Variants in DOCK4 observed in about 807,000 individuals in gnomAD.
DOCK4 encodes dedicator of cytokinesis 4.
In DOCK4, 97 loss-of-function variants were observed where a neutral mutation model predicts 268.1. That is an observed-to-expected ratio of 0.36 (90% CI 0.31 to 0.43). The LOEUF (loss-of-function observed/expected upper bound fraction) is 0.43, where lower values mean the gene tolerates loss of function less well. DOCK4 is among the 20% of genes least tolerant of loss of function. DOCK4 has a pLI of 1.00. For missense variants in DOCK4, 2,145 were observed against 2,455.7 expected (o/e 0.87, Z 2.67); for synonymous variants, 954 against 887.2 (o/e 1.08, Z -1.34).
chr7:111,848,078 A>G (rs963361943), intron 23 of DOCK4, among the ~76,000 whole-genome samples: 1 of 152,154 alleles, frequency 6.6e-6, no homozygotes, highest in Non-Finnish European at 1.5e-5. Flanking sequence ...TGTGTTCTTC[A>G]GATCTGGGAA....
chr7:111,739,500 TATC>T (rs1162502018), intron 47 of DOCK4, 23 bp from the exon 48 acceptor site: 22 of 1,548,732 alleles, frequency 1.4e-5, no homozygotes, highest in Non-Finnish European at 1.7e-5. Flanking sequence ...AGGGAGCTAT[TATC>T]ATACCCTGAT....
At chr7:111,779,862 G>A (rs1798685148) in intron 35 of DOCK4, among the ~76,000 whole-genome samples, 1 of 152,246 alleles carries the variant, frequency 6.6e-6, no homozygotes, top group African/African-American at 2.4e-5. Context: ...AACAAGACAT[G>A]TTTAGTGAAC....
chr7:112,118,469 C>T (rs981055251), intron 1 of DOCK4, among the ~76,000 whole-genome samples: 2 of 152,010 alleles, frequency 1.3e-5, no homozygotes, highest in Admixed American at 1.3e-4. Flanking sequence ...CTCAATCTAC[C>T]CAAAGATACT....
chr7:111,758,204 T>G (rs572972602), intron 41 of DOCK4, among the ~76,000 whole-genome samples: 1 of 152,320 alleles, frequency 6.6e-6, no homozygotes, highest in African/African-American at 2.4e-5. Flanking sequence ...GGAACTCCTT[T>G]TCTCTGTTCA....
Position 112,036,656 on chromosome 7 carries a change from CTT to C in DOCK4, c.38-32527_38-32526del, listed in dbSNP as rs57264652. On this transcript the variant is annotated intron_variant, in intron 1 of 52. Transcript: ENST00000428084. ...AACTTACAGTGGTCTTAGAGGATTT[CTT>C]TTTTTTTTTTTTTTTTTCCGGAGAC... is the stretch of plus-strand genomic sequence containing the variant. 2.1e-3 allele frequency among the ~76,000 whole-genome samples: 222 copies of C among 106,212 alleles called. 1 individual carries two copies. The highest frequency in any genetic ancestry group is 9.3e-3 in the Middle Eastern group (2 of 214). The allele number at this position is 106,212 out of a possible 152,430, so 69.7% of individuals were successfully genotyped here.
chr7:112,044,253 T>G (rs2135522073), intron 1 of DOCK4, among the ~76,000 whole-genome samples: 1 of 152,174 alleles, frequency 6.6e-6, no homozygotes, highest in African/African-American at 2.4e-5. Context: ...CTAGTAAGGT[T>G]CCCCCCATTT....
intron 1 of DOCK4, among the ~76,000 whole-genome samples, chr7:112,008,270 T>C (rs912939631): frequency 1.2e-4 from 19 of 152,066 alleles, no homozygotes; most frequent in African/African-American, 4.1e-4. Flanking sequence ...TATGGAAAAA[T>C]TTACTTGGAT....
intron 1 of DOCK4, among the ~76,000 whole-genome samples, chr7:112,159,801 T>C (rs1431717659): frequency 6.9e-6 from 1 of 144,722 alleles, no homozygotes; most frequent in Middle Eastern, 3.6e-3. Context: ...TTTTGTATTA[T>C]ACTTATGTAT....
intron 1 of DOCK4, among the ~76,000 whole-genome samples, chr7:112,168,465 G>A (rs1047534832): frequency 6.6e-6 from 1 of 152,168 alleles, no homozygotes; most frequent in Non-Finnish European, 1.5e-5. Context: ...TCAGCACTCT[G>A]GGATGCCAAA....
At chr7:111,779,157 G>A (rs985980640) in intron 35 of DOCK4, among the ~76,000 whole-genome samples, 21 of 151,910 alleles carry the variant, frequency 1.4e-4, no homozygotes, top group Admixed American at 1.3e-3. Flanking sequence ...ATGGGAAAGA[G>A]GGTAAATAAA....
At chr7:111,816,421 T>C (rs530754353) in intron 27 of DOCK4, among the ~76,000 whole-genome samples, 35 of 152,276 alleles carry the variant, frequency 2.3e-4, no homozygotes, top group African/African-American at 7.9e-4. Context: ...GGATAACCAA[T>C]GTGGGAATGC....
At chr7:111,859,774 A>G (rs1266244005) in intron 23 of DOCK4, among the ~76,000 whole-genome samples, 1 of 151,646 alleles carries the variant, frequency 6.6e-6, no homozygotes, top group Non-Finnish European at 1.5e-5. Context: ...TCACCGTTTT[A>G]GCCGGGATGG....
chr7:111,913,223 A>G (rs568202202), intron 13 of DOCK4, among the ~76,000 whole-genome samples: 49 of 151,820 alleles, frequency 3.2e-4, no homozygotes, highest in African/African-American at 1.1e-3. Context: ...CCTCAGCCTC[A>G]GTGCTGGGAT....
chr7:111,980,562 AG>A (rs764188398), intron 7 of DOCK4, among the ~76,000 whole-genome samples: 3 of 152,212 alleles, frequency 2.0e-5, no homozygotes, highest in Non-Finnish European at 4.4e-5. Context: ...TGTCTACACC[AG>A]GGTTTACCAA....
chr7:111,987,755 T>C (rs1451522825), intron 6 of DOCK4, among the ~76,000 whole-genome samples: 1 of 152,220 alleles, frequency 6.6e-6, no homozygotes, highest in Non-Finnish European at 1.5e-5. Context: ...GTTAAGGAAT[T>C]TGCTTCAGGT....
At chr7:112,004,545 T>C (rs1022657827) in intron 1 of DOCK4, among the ~76,000 whole-genome samples, 4 of 152,192 alleles carry the variant, frequency 2.6e-5, no homozygotes, top group Non-Finnish European at 5.9e-5. Flanking sequence ...ATTTCCTGCT[T>C]GTTATTAGGC....
At position 111,989,140 on chromosome 7, in the gene DOCK4, G is replaced by T; in HGVS notation, c.339C>A (p.His113Gln). 1 of 1,614,026 alleles carries T rather than the reference G, an allele frequency of 6.2e-7. No individual in the cohort carries two copies. Among genetic ancestry groups the T allele is most frequent in the South Asian group, 1.1e-5 (1 of 91,088 alleles). ...TTTCATTCATGATGTGCCACAGCCG[G>T]TGGAAGAGATCGCCTTCATTACGCT... ...LYVRNEGDLF[H>Q]RLWHIMNEIL... The change falls in exon 6 of 53, where the codon CAC becomes CAA. Residue 113 changes from histidine (H) to glutamine (Q), a missense_variant. Transcript: ENST00000428084.
rs115564403 is a variant in DOCK4 at position 111,869,869 on chromosome 7, G to A, written c.2028-214C>T. Among the ~76,000 whole-genome samples, 344 of 152,014 alleles carry A rather than the reference G, an allele frequency of 2.3e-3. 2 individuals carry two copies. Among genetic ancestry groups the A allele is most frequent in the African/African-American group, 8.1e-3 (334 of 41,324 alleles). On this transcript the variant is annotated intron_variant, in intron 20 of 52. Transcript: ENST00000428084. ...TAAGGGAGAAACAACACTCAATCTGGACATATTCCATAGCCCTGCTGTTTC... is the reference window on the plus strand; with the variant it reads ...TAAGGGAGAAACAACACTCAATCTGAACATATTCCATAGCCCTGCTGTTTC...
chr7:111,739,322 G>T (rs771081502), intron 48 of DOCK4, 74 bp downstream of exon 48: 2 of 1,593,986 alleles, frequency 1.3e-6, no homozygotes, highest in South Asian at 1.1e-5. Flanking sequence ...CTGAACGTGT[G>T]GCAGCTGGCC....
Sources: gnomAD v4.1 joint callset for allele counts (sites outside exome capture counted in the v4.1 genomes callset) on GRCh38, gnomAD v4.1.1 for gene constraint, MANE v1.5 for transcripts, NCBI Gene and HGNC (gene_info 2026-07-23, HGNC 2026-07-21) for gene names.